Variants in ADARB2 observed in about 807,000 individuals in gnomAD.
ADARB2 encodes the protein inactive double-stranded RNA-specific editase B2.
A neutral mutation model predicts 62.2 loss-of-function variants in ADARB2; 25 were observed. The ratio of observed to expected loss-of-function variants is 0.40; its 90% confidence interval spans 0.29 to 0.56. ADARB2 has a LOEUF of 0.56. Among genes scored for constraint, ADARB2 ranks in the 20% least tolerant of loss-of-function variants. ADARB2 has a pLI of 0.43. For synonymous variants in ADARB2, 572 were observed against 500.8 expected, an observed-to-expected ratio of 1.14 and a Z score of -1.90; for missense variants, 1,071 against 1,077.4, an observed-to-expected ratio of 0.99 and a Z score of 0.08.
chr10:1,595,154 C>T (rs972422785), intron 1 of ADARB2, among the ~76,000 whole-genome samples: 2 of 152,192 alleles, frequency 1.3e-5, no homozygotes. Flanking sequence ...GCCGAGGTTC[C>T]TCCGCATGGA....
rs201239567 is a variant in ADARB2, at chr10:1,421,716, C to T, written c.101-42556G>A. ...TGTTAGTGTTGACTGTTTGTTTTGT[C>T]CTTTCCATTGTAAGATTCACCCCAT... On this transcript the variant is annotated intron_variant, in intron 1 of 9. Coordinates refer to ENST00000381312, the MANE Select transcript of ADARB2 (RefSeq NM_018702.4). Among the ~76,000 whole-genome samples the T allele has an allele frequency of 3.9e-5, 6 of 152,208 alleles. No individual in the cohort carries two copies. The East Asian group carries it at 7.8e-4, about 20-fold the overall frequency.
chr10:1,591,659 G>GCA (rs1255744378), intron 1 of ADARB2, among the ~76,000 whole-genome samples: 18 of 122,684 alleles, frequency 1.5e-4, no homozygotes, highest in Admixed American at 2.4e-4. Context: ...AGGCGTGCAC[G>GCA]CACACACACA....
Position 1,270,950 on chromosome 10 carries a change from G to T in ADARB2, c.1192+5C>A. On this transcript the variant is annotated splice_donor_5th_base_variant and intron_variant, in intron 4 of 9. Transcript: ENST00000381312. ...AATGCCCACAGGAAAAGAGGAGGTG[G>T]CTACCTTTGGTCATGACGATTCCTG... 1.2e-6 allele frequency: 2 copies of T among 1,613,016 alleles called. No individual in the cohort carries two copies. The highest frequency in any genetic ancestry group is 1.7e-6 in the Non-Finnish European group (2 of 1,179,202).
chr10:1,541,724 C>T (rs368011350), intron 1 of ADARB2, among the ~76,000 whole-genome samples: 1 of 54,884 alleles, frequency 1.8e-5, no homozygotes, highest in Admixed American at 2.0e-4. Flanking sequence ...CCCACTCAGA[C>T]GTAGTTCAGA....
chr10:1,469,343 A>G (rs1831294104), intron 1 of ADARB2, among the ~76,000 whole-genome samples: 1 of 152,176 alleles, frequency 6.6e-6, no homozygotes, highest in African/African-American at 2.4e-5. Context: ...CTCTAAGTCC[A>G]CCGTCTTTAT....
intron 1 of ADARB2, among the ~76,000 whole-genome samples, chr10:1,734,518 G>A (rs776690009): frequency 6.6e-6 from 1 of 152,120 alleles, no homozygotes; most frequent in African/African-American, 2.4e-5. Context: ...CACTCTCAGA[G>A]TCACACATAG....
At chr10:1,361,250 A>G (rs183882266) in intron 3 of ADARB2, 28 of 150,650 alleles carry the variant, frequency 1.9e-4, no homozygotes, top group African/African-American at 6.6e-4. Flanking sequence ...GTCACTGGCA[A>G]GTTTAAGCTA....
At chr10:1,270,791 T>C (rs955746043) in intron 4 of ADARB2, among the ~76,000 whole-genome samples, 164 bp downstream of exon 4, 1 of 152,218 alleles carries the variant, frequency 6.6e-6, no homozygotes, top group African/African-American at 2.4e-5. Flanking sequence ...CTTTTCCTGC[T>C]AATATGCTCT....
At chr10:1,311,211 C>G (rs1372464852) in intron 3 of ADARB2, among the ~76,000 whole-genome samples, 1 of 152,232 alleles carries the variant, frequency 6.6e-6, no homozygotes, top group Non-Finnish European at 1.5e-5. Context: ...CACACCAGCT[C>G]CATGCTGGTG....
intron 1 of ADARB2, among the ~76,000 whole-genome samples, chr10:1,606,324 G>A (rs569181162): frequency 6.6e-6 from 1 of 151,740 alleles, no homozygotes; most frequent in East Asian, 2.0e-4. Context: ...CTGAGCGGGG[G>A]GGAGCATCCT....
intron 3 of ADARB2, among the ~76,000 whole-genome samples, chr10:1,324,865 A>G (rs755661114): frequency 2.0e-5 from 3 of 152,158 alleles, no homozygotes; most frequent in Non-Finnish European, 4.4e-5. Flanking sequence ...AAACGCAAGT[A>G]CAATTAAAAC....
intron 1 of ADARB2, among the ~76,000 whole-genome samples, chr10:1,645,526 A>G (rs1834029654): frequency 6.6e-6 from 1 of 152,242 alleles, no homozygotes; most frequent in South Asian, 2.1e-4. Flanking sequence ...GCATCCACTT[A>G]AAGTCCAACT....
intron 1 of ADARB2, among the ~76,000 whole-genome samples, chr10:1,633,552 C>CTATA: frequency 1.7e-5 from 1 of 59,192 alleles, no homozygotes; most frequent in Non-Finnish European, 3.4e-5. Flanking sequence ...TATCTATCAT[C>CTATA]TATCTATCTA....
intron 1 of ADARB2, among the ~76,000 whole-genome samples, chr10:1,657,848 TTC>T (rs752812294): frequency 3.9e-4 from 60 of 152,066 alleles, no homozygotes; most frequent in Non-Finnish European, 7.5e-4. Flanking sequence ...CTGTCTCTGA[TTC>T]TCTCTCTTTC....
At chr10:1,340,129 G>A (rs954166032) in intron 3 of ADARB2, among the ~76,000 whole-genome samples, 1,495 of 120,586 alleles carry the variant, frequency 0.012, 27 homozygotes, top group East Asian at 0.046. Context: ...AGAACCACGC[G>A]CCCCACAGTG....
chr10:1,517,806 G>T (rs1345371287), intron 1 of ADARB2, among the ~76,000 whole-genome samples: 1 of 152,164 alleles, frequency 6.6e-6, no homozygotes, highest in East Asian at 1.9e-4. Context: ...AGCTAGCCAG[G>T]AAGTTACTTA....
intron 2 of ADARB2, among the ~76,000 whole-genome samples, chr10:1,366,479 C>T (rs373942870): frequency 2.6e-5 from 4 of 152,150 alleles, no homozygotes; most frequent in African/African-American, 9.7e-5. Flanking sequence ...CCTTGCCCCA[C>T]CCTGAGGCTT....
At chr10:1,726,732 C>G (rs1260489586) in intron 1 of ADARB2, among the ~76,000 whole-genome samples, 1 of 152,156 alleles carries the variant, frequency 6.6e-6, no homozygotes, top group Non-Finnish European at 1.5e-5. Flanking sequence ...CCTGGCTCTC[C>G]GTAGATGGGG....
At chr10:1,192,650 C>T (rs1458201466) in intron 8 of ADARB2, among the ~76,000 whole-genome samples, 1 of 152,178 alleles carries the variant, frequency 6.6e-6, no homozygotes, top group Non-Finnish European at 1.5e-5. Flanking sequence ...TGAGATAGTC[C>T]TAAAAACTTC....
Sources: allele counts gnomAD v4.1 joint callset (sites outside exome capture counted in the v4.1 genomes callset), GRCh38; gene constraint gnomAD v4.1.1; transcripts MANE v1.5; gene names NCBI Gene and HGNC (gene_info 2026-07-23, HGNC 2026-07-21).